Variants in SLC17A6 observed in about 807,000 individuals in gnomAD.
SLC17A6 encodes the protein solute carrier family 17 member 6, also known as vesicular glutamate transporter 2.
In SLC17A6, 35 loss-of-function variants were observed where a neutral mutation model predicts 67.1. The observed-to-expected ratio is 0.52, with a 90% CI of 0.40 to 0.69. The LOEUF is 0.69. Ranked by LOEUF, SLC17A6 falls within the 30% of genes least tolerant of loss-of-function variation. The pLI, the probability that SLC17A6 is intolerant of heterozygous loss-of-function variation, is 0.00. For missense variants in SLC17A6, 588 were observed against 723.9 expected (o/e 0.81, Z 2.15); for synonymous variants, 285 against 252.3 (o/e 1.13, Z -1.23).
chr11:22,353,624 T>A (rs1410140096), intron 3 of SLC17A6, among the ~76,000 whole-genome samples: 1 of 152,216 alleles, frequency 6.6e-6, no homozygotes, highest in Non-Finnish European at 1.5e-5. Context: ...ATTTGGTCAA[T>A]AAGAATGGTC....
chr11:22,371,070 G>T (rs749859696), intron 8 of SLC17A6, among the ~76,000 whole-genome samples: 1 of 152,030 alleles, frequency 6.6e-6, no homozygotes, highest in Non-Finnish European at 1.5e-5. Context: ...CGCTAGTAAT[G>T]CACGACAAAA....
intron 3 of SLC17A6, among the ~76,000 whole-genome samples, chr11:22,344,841 T>G (rs550288745): frequency 2.6e-5 from 4 of 152,326 alleles, no homozygotes; most frequent in Admixed American, 2.0e-4. Context: ...TATGAGCATG[T>G]TATATTTTTG....
chr11:22,340,417 C>A, intron 1 of SLC17A6, among the ~76,000 whole-genome samples: 1 of 152,278 alleles, frequency 6.6e-6, no homozygotes, highest in South Asian at 2.1e-4. Flanking sequence ...AAAACCATTC[C>A]TTTTCTCTGC....
At chr11:22,370,429 C>T (rs758445282) in intron 8 of SLC17A6, among the ~76,000 whole-genome samples, 1 of 152,126 alleles carries the variant, frequency 6.6e-6, no homozygotes, top group Non-Finnish European at 1.5e-5. Context: ...TTTCTGCCTT[C>T]ATGGAACTTA....
At chr11:22,360,536 C>G (rs543045559) in intron 4 of SLC17A6, among the ~76,000 whole-genome samples, 1 of 136,686 alleles carries the variant, frequency 7.3e-6, no homozygotes, top group Non-Finnish European at 1.6e-5. Context: ...TCCCCCCCCC[C>G]CAAAAAAAAG....
chr11:22,366,131 TATA>T (rs1554945185), intron 7 of SLC17A6, among the ~76,000 whole-genome samples: 2 of 151,750 alleles, frequency 1.3e-5, no homozygotes, highest in Non-Finnish European at 1.5e-5. Context: ...GAACCCTACA[TATA>T]ATGTTTTTCC....
chr11:22,359,562 G>C (rs758944988), intron 4 of SLC17A6, 35 bp downstream of exon 4: 34 of 1,405,972 alleles, frequency 2.4e-5, no homozygotes, highest in Non-Finnish European at 3.1e-5. Flanking sequence ...TTTTAAGATT[G>C]GCATTTGGTT....
At chr11:22,350,579 T>G (rs1473767916) in intron 3 of SLC17A6, among the ~76,000 whole-genome samples, 1 of 152,212 alleles carries the variant, frequency 6.6e-6, no homozygotes, top group Non-Finnish European at 1.5e-5. Flanking sequence ...TTTGAAAAAT[T>G]AAGAACACCC....
intron 7 of SLC17A6, among the ~76,000 whole-genome samples, chr11:22,366,667 G>T (rs780045841): frequency 6.6e-6 from 1 of 152,108 alleles, no homozygotes; most frequent in South Asian, 2.1e-4. Context: ...ATTGTACATA[G>T]TAATTAATAC....
intron 3 of SLC17A6, among the ~76,000 whole-genome samples, chr11:22,358,160 A>C (rs998656361): frequency 6.6e-6 from 1 of 152,002 alleles, no homozygotes; most frequent in African/African-American, 2.4e-5. Flanking sequence ...CATTGACTGA[A>C]TTTAAGGCTC....
intron 3 of SLC17A6, among the ~76,000 whole-genome samples, chr11:22,348,916 C>T (rs1340862551): frequency 2.6e-5 from 4 of 152,128 alleles, no homozygotes; most frequent in African/African-American, 9.7e-5. Context: ...CAGAAAGGAG[C>T]AATTTTACTG....
At chr11:22,349,404 T>C (rs1324310689) in intron 3 of SLC17A6, among the ~76,000 whole-genome samples, 2 of 152,172 alleles carry the variant, frequency 1.3e-5, no homozygotes, top group Non-Finnish European at 2.9e-5. Context: ...GAAGCCTGCA[T>C]TTTTCTGACA....
chr11:22,341,254 C>T (rs925977420), intron 1 of SLC17A6, among the ~76,000 whole-genome samples: 1 of 152,146 alleles, frequency 6.6e-6, no homozygotes, highest in Admixed American at 6.5e-5. Flanking sequence ...TCAGAGCGCC[C>T]AGGGGTGGAT....
intron 2 of SLC17A6, 115 bp downstream of exon 2, chr11:22,341,895 C>T: frequency 7.0e-7 from 1 of 1,424,762 alleles, no homozygotes; most frequent in East Asian, 2.4e-5. Context: ...TGGGTGCTCC[C>T]TAAGCTCCTC....
Position 22,376,076 on chromosome 11 carries a change from T to C in SLC17A6, c.1269T>C (p.Ser423=), listed in dbSNP as rs1188928807. 1 of 1,610,882 alleles carries C rather than the reference T, an allele frequency of 6.2e-7. No homozygotes were observed. Among genetic ancestry groups the C allele is most frequent in the Admixed American group, 1.7e-5 (1 of 59,950 alleles). The change falls in exon 10 of 12, where the codon AGT becomes AGC. Residue 423 remains serine (S), a synonymous_variant. Coordinates refer to ENST00000263160, the MANE Select transcript of SLC17A6 (RefSeq NM_020346.3). The part of the protein sequence containing the change: ...ISFLVLAVGF[S]GFAISGFNVN... ...TCTTGGTACTTGCAGTGGGATTCAG[T>C]GGATTTGCTATATCTGGTAAGATAT...
intron 1 of SLC17A6, among the ~76,000 whole-genome samples, chr11:22,339,554 G>A (rs543596951): frequency 6.6e-6 from 1 of 152,064 alleles, no homozygotes; most frequent in Non-Finnish European, 1.5e-5. Context: ...TTTCAAGTAT[G>A]TTATATGGAT....
chr11:22,365,304 A>G (rs887812229), intron 6 of SLC17A6, among the ~76,000 whole-genome samples: 3 of 152,210 alleles, frequency 2.0e-5, no homozygotes, highest in Non-Finnish European at 4.4e-5. Context: ...ATAATTATTT[A>G]TGGCTTATTG....
intron 3 of SLC17A6, among the ~76,000 whole-genome samples, chr11:22,344,132 A>G (rs1855850464): frequency 6.6e-6 from 1 of 152,186 alleles, no homozygotes; most frequent in African/African-American, 2.4e-5. Flanking sequence ...CTGTGTGTAC[A>G]TTGATAAGCA....
intron 3 of SLC17A6, among the ~76,000 whole-genome samples, chr11:22,353,373 A>C (rs376679876): frequency 7.2e-5 from 11 of 152,188 alleles, no homozygotes; most frequent in South Asian, 2.1e-4. Flanking sequence ...AAAACAAAAC[A>C]AAACCTCTCA....
Sources: allele counts gnomAD v4.1 joint callset (sites outside exome capture counted in the v4.1 genomes callset), GRCh38; gene constraint gnomAD v4.1.1; transcripts MANE v1.5; gene names NCBI Gene and HGNC (gene_info 2026-07-23, HGNC 2026-07-21).